The following SEPTIN11 variants were observed in gnomAD, a reference collection of about 807,000 sequenced individuals.
The protein encoded by SEPTIN11 is septin 11, also known as septin-11.
In SEPTIN11, 25 loss-of-function variants were observed where a neutral mutation model predicts 51.4. That is an observed-to-expected ratio of 0.49 (90% confidence interval 0.35 to 0.68). The LOEUF (loss-of-function observed/expected upper bound fraction) is 0.68. SEPTIN11 is among the 30% of genes least tolerant of loss of function. The probability of loss-of-function intolerance (pLI) is 0.00; values close to 1 mark genes in which losing one functional copy is unlikely to be tolerated. For missense variants in SEPTIN11, 381 were observed against 520.8 expected, an observed-to-expected ratio of 0.73 and a Z score of 2.61; for synonymous variants, 174 against 184.1, an observed-to-expected ratio of 0.95 and a Z score of 0.44.
Position 77,034,690 on chromosome 4 carries a change from A to T in SEPTIN11, c.*178A>T. On this transcript the variant is annotated 3_prime_UTR_variant, in exon 10 of 10. Transcript: ENST00000264893. ...GTTGTTGGGTGGTAGAAAATGATAG[A>T]ACAAGGGAATAACCGCGAATGCTCT... The T allele has an allele frequency of 1.5e-6, 2 of 1,320,014 alleles. No homozygotes were observed. Among genetic ancestry groups the T allele is most frequent in the Non-Finnish European group, 1.9e-6 (2 of 1,033,140 alleles). 81.8% of individuals were successfully genotyped at this position (1,320,014 alleles called of 1,614,324 possible). A position where few individuals can be genotyped will look rare whatever the true frequency, so the allele number is the denominator to read the frequency against.
intron 1 of SEPTIN11, among the ~76,000 whole-genome samples, chr4:76,978,709 C>T (rs2109912098): frequency 6.6e-6 from 1 of 152,236 alleles, no homozygotes. Context: ...TAATGCCTGC[C>T]ATATATGTAT....
At chr4:77,019,096 T>C in intron 5 of SEPTIN11, 69 bp from the exon 6 acceptor site, 3 of 1,415,860 alleles carry the variant, frequency 2.1e-6, no homozygotes, top group Admixed American at 2.0e-5. Flanking sequence ...AGGGAGAAGA[T>C]AGAGACTGGT....
chr4:76,978,217 C>T (rs181780453), intron 1 of SEPTIN11, among the ~76,000 whole-genome samples: 5 of 152,280 alleles, frequency 3.3e-5, no homozygotes, highest in African/African-American at 1.2e-4. Context: ...ACTCCAGCAG[C>T]TGGTGGTGGA....
At chr4:76,958,696 T>C (rs998150416) in intron 1 of SEPTIN11, among the ~76,000 whole-genome samples, 2 of 152,254 alleles carry the variant, frequency 1.3e-5, no homozygotes, top group African/African-American at 2.4e-5. Context: ...CACTACTATT[T>C]GTAAGACGCG....
rs565363238 is a variant in SEPTIN11, at chr4:77,029,666, C to T, written c.1086+905C>T. Among the ~76,000 whole-genome samples, 3 of 151,908 alleles carry T rather than the reference C, an allele frequency of 2.0e-5. No homozygotes were observed. In the East Asian group the frequency reaches 5.8e-4, roughly 29 times the overall value. On this transcript the variant is annotated intron_variant, in intron 8 of 9. Transcript: ENST00000264893. The stretch of plus-strand genomic sequence containing the variant: ...TTTCCTTTTCTTTTTCATTTTCTTT[C>T]TTCTTCCTTTGCTTTTCTTCTTCCC...
chr4:76,986,573 T>C (rs956415281), intron 1 of SEPTIN11, among the ~76,000 whole-genome samples: 3 of 152,220 alleles, frequency 2.0e-5, no homozygotes, highest in African/African-American at 7.2e-5. Context: ...TTAAATACCC[T>C]AGGTCACACA....
intron 7 of SEPTIN11, among the ~76,000 whole-genome samples, chr4:77,023,957 C>G (rs1176077269): frequency 2.0e-5 from 3 of 152,170 alleles, no homozygotes; most frequent in African/African-American, 7.2e-5. Context: ...ATTATATTCT[C>G]AAAGCACAGG....
At chr4:77,016,631 C>CATATATATATATATAT (rs1560736233) in intron 5 of SEPTIN11, among the ~76,000 whole-genome samples, 8 of 22,724 alleles carry the variant, frequency 3.5e-4, no homozygotes, top group East Asian at 1.7e-3. Flanking sequence ...TATATATATA[C>CATATATATATATATAT]ACATATATAT....
rs1727178309 is a variant in SEPTIN11, at chr4:77,038,415, T to C, written c.*3903T>C. On this transcript the variant is annotated 3_prime_UTR_variant, in exon 10 of 10. Coordinates refer to ENST00000264893, the MANE Select transcript of SEPTIN11 (RefSeq NM_018243.4). Reference sequence around the variant, plus strand: ...ATTGTCATATATGTAAGCTGCATGTTAGACATTTGTCTTTTTTAAACTAAA... The same window carrying C: ...ATTGTCATATATGTAAGCTGCATGTCAGACATTTGTCTTTTTTAAACTAAA... 3.0e-6 allele frequency: 3 copies of C among 985,790 alleles called. No homozygotes were observed. The highest frequency in any genetic ancestry group is 3.5e-5 in the African/African-American group (2 of 57,388). 61.1% of individuals were successfully genotyped at this position (985,790 alleles called of 1,614,324 possible).
chr4:77,039,580 C>CA, downstream of SEPTIN11: 1 of 985,222 alleles, frequency 1.0e-6, no homozygotes, highest in Non-Finnish European at 1.2e-6. Context: ...ACCGTCAGGT[C>CA]ATAAGATCCG....
chr4:76,949,780 C>A lies in SEPTIN11; in HGVS notation c.-124C>A, dbSNP rs577206718. 1 of 1,053,580 alleles carries A rather than the reference C, an allele frequency of 9.5e-7. No homozygotes were observed. The highest frequency in any genetic ancestry group is 1.3e-6 in the Non-Finnish European group (1 of 753,014). 65.3% of individuals were successfully genotyped at this position (1,053,580 alleles called of 1,614,324 possible). ...CAGATGCCGCTGGCTGCCAGCGGGA[C>A]GCCGGCGAGCAGAGCGCAGCCGCGA... On this transcript the variant is annotated 5_prime_UTR_variant, in exon 1 of 10. Coordinates refer to ENST00000264893, the MANE Select transcript of SEPTIN11 (RefSeq NM_018243.4).
intron 7 of SEPTIN11, among the ~76,000 whole-genome samples, chr4:77,027,506 T>G (rs1726256214): frequency 1.3e-5 from 2 of 152,216 alleles, no homozygotes; most frequent in Non-Finnish European, 2.9e-5. Context: ...GCACGTATGC[T>G]CCTATCACCT....
intron 5 of SEPTIN11, among the ~76,000 whole-genome samples, chr4:77,018,661 T>C (rs1725480636): frequency 6.6e-6 from 1 of 151,816 alleles, no homozygotes; most frequent in Admixed American, 6.6e-5. Context: ...GCCAAAAAGA[T>C]ACTTTATCTT....
At chr4:76,983,538 A>G (rs985835001) in intron 1 of SEPTIN11, among the ~76,000 whole-genome samples, 1 of 152,222 alleles carries the variant, frequency 6.6e-6, no homozygotes, top group Non-Finnish European at 1.5e-5. Context: ...CAGCTACACC[A>G]TGCCCAAAGT....
At chr4:77,028,912 G>T (rs1726389165) in intron 8 of SEPTIN11, 151 bp downstream of exon 8, 1 of 790,006 alleles carries the variant, frequency 1.3e-6, no homozygotes. Context: ...AAATGGGTCA[G>T]ATATTCTCAT....
chr4:77,035,992 T>C lies in SEPTIN11; in HGVS notation c.*1480T>C. ...CTGGTTAGAGATTAAGTAAATAGGATAGAATATGCTGCGTCTCCCCTGACA... is the reference window on the plus strand; with the variant it reads ...CTGGTTAGAGATTAAGTAAATAGGACAGAATATGCTGCGTCTCCCCTGACA... On this transcript the variant is annotated 3_prime_UTR_variant, in exon 10 of 10. Transcript: ENST00000264893. 1 of 985,908 alleles carries C rather than the reference T, an allele frequency of 1.0e-6. No individual in the cohort carries two copies. Among genetic ancestry groups the C allele is most frequent in the Non-Finnish European group, 1.2e-6 (1 of 829,954 alleles). The allele number at this position is 985,908 out of a possible 1,614,324, so 61.1% of individuals were successfully genotyped here. A position where few individuals can be genotyped will look rare whatever the true frequency, so the allele number is the denominator to read the frequency against.
At chr4:76,974,912 C>G in intron 1 of SEPTIN11, 2 of 454,618 alleles carry the variant, frequency 4.4e-6, no homozygotes, top group Non-Finnish European at 8.8e-6. Flanking sequence ...CACTTGAGGC[C>G]AGGAGTTCAA....
intron 1 of SEPTIN11, among the ~76,000 whole-genome samples, chr4:76,951,731 C>T (rs1263385051): frequency 6.6e-6 from 1 of 152,138 alleles, no homozygotes; most frequent in Non-Finnish European, 1.5e-5. Flanking sequence ...ATTAGCTGCA[C>T]ATTTTCTATA....
chr4:77,012,877 C>T (rs1490226291), intron 4 of SEPTIN11, among the ~76,000 whole-genome samples: 1 of 152,190 alleles, frequency 6.6e-6, no homozygotes, highest in African/African-American at 2.4e-5. Context: ...CTTCTAATGG[C>T]CTGGAAGGAT....
Sources: allele counts gnomAD v4.1 joint callset (sites outside exome capture counted in the v4.1 genomes callset), GRCh38; gene constraint gnomAD v4.1.1; transcripts MANE v1.5; gene names NCBI Gene and HGNC (gene_info 2026-07-23, HGNC 2026-07-21).